The following POLH variants were observed in gnomAD, a reference collection of about 807,000 sequenced individuals.
POLH encodes the protein DNA polymerase eta transcript.
Under a neutral mutation model 73.6 loss-of-function variants are expected in POLH, and 53 were observed. The ratio of observed to expected loss-of-function variants is 0.72; its 90% confidence interval spans 0.58 to 0.91. The LOEUF (loss-of-function observed/expected upper bound fraction) is 0.91, where lower values mean the gene tolerates loss of function less well. Among genes scored for constraint, POLH ranks in the 40% least tolerant of loss-of-function variants. The pLI is 0.00. For synonymous variants in POLH, 292 were observed against 308.5 expected (o/e 0.95, Z 0.56); for missense variants, 768 against 865.4 (o/e 0.89, Z 1.41).
intron 9 of POLH, among the ~76,000 whole-genome samples, chr6:43,606,144 CAT>C (rs1767258846): frequency 6.6e-6 from 1 of 150,578 alleles, no homozygotes; most frequent in Admixed American, 6.6e-5. Context: ...TATCATTTCA[CAT>C]ACTTTTTTGT....
In POLH at chr6:43,617,781, C is replaced by T. The variant is rs189150988; in HGVS notation, c.*3224C>T. 2.9e-3 allele frequency among the ~76,000 whole-genome samples: 443 copies of T among 151,666 alleles called. No homozygotes were observed. Among genetic ancestry groups the T allele is most frequent in the African/African-American group, 0.01 (425 of 41,346 alleles). On this transcript the variant is annotated 3_prime_UTR_variant, in exon 11 of 11. Transcript: ENST00000372236. ...CGTCTCTACTGAAAATACAACTGGG[C>T]GTGGTGGTGCACGCCTGTAGTCCCA...
rs1768385058 is a variant in POLH at position 43,616,895 on chromosome 6, CATA to C, written c.*2341_*2343del. On this transcript the variant is annotated 3_prime_UTR_variant, in exon 11 of 11. Coordinates refer to ENST00000372236, the MANE Select transcript of POLH (RefSeq NM_006502.3). ...GGAACTCTGTTTAGATCTGATAAGT[CATA>C]ATCAAATCTTGCCAGGCGTGGTGGT... Among the ~76,000 whole-genome samples, 2 of 152,146 alleles carry C rather than the reference CATA, an allele frequency of 1.3e-5. No individual in the cohort carries two copies. The highest frequency in any genetic ancestry group is 6.5e-5 in the Admixed American group (1 of 15,276).
intron 1 of POLH, among the ~76,000 whole-genome samples, chr6:43,579,283 A>G (rs528630550): frequency 6.6e-6 from 1 of 152,242 alleles, no homozygotes; most frequent in Non-Finnish European, 1.5e-5. Flanking sequence ...CCCTGGAGAA[A>G]GGAATGCTAC....
intron 4 of POLH, chr6:43,591,228 G>A (rs976725601): frequency 6.6e-5 from 10 of 152,156 alleles, no homozygotes; most frequent in African/African-American, 2.4e-4. Flanking sequence ...TTATTATTCT[G>A]GGACCAGAGT....
chr6:43,610,425 G>A (rs966947323), intron 9 of POLH, 129 bp from the exon 10 acceptor site: 21 of 756,834 alleles, frequency 2.8e-5, no homozygotes, highest in Non-Finnish European at 4.1e-5. Flanking sequence ...CTTTATTCTT[G>A]ACTTTTAAAC....
chr6:43,609,375 G>C (rs1419920321), intron 9 of POLH, among the ~76,000 whole-genome samples: 2 of 152,098 alleles, frequency 1.3e-5, no homozygotes, highest in African/African-American at 4.8e-5. Context: ...ATTCCCTCAA[G>C]ATATATAAAT....
chr6:43,610,596 C>A lies in POLH; in HGVS notation c.1117C>A (p.Gln373Lys), dbSNP rs121908564. Residue 373 changes from glutamine (Q) to lysine (K), a missense_variant, in exon 10 of 11, where the codon CAA (glutamine) becomes AAA (lysine). Transcript: ENST00000372236. ...ATQLVVSIRV[Q>K]GDKRLSSLRR... The stretch of plus-strand genomic sequence containing the variant: ...CCAGCTGGTTGTGAGCATTCGTGTA[C>A]AAGGAGACAAACGCCTCAGCAGCCT... 6.2e-7 allele frequency: 1 copy of A among 1,614,018 alleles called. No homozygotes were observed. Among genetic ancestry groups the A allele is most frequent in the Non-Finnish European group, 8.5e-7 (1 of 1,179,940 alleles).
intron 8 of POLH, 119 bp from the exon 9 acceptor site, chr6:43,605,135 A>T: frequency 1.4e-6 from 1 of 714,810 alleles, no homozygotes; most frequent in South Asian, 1.5e-5. Context: ...TCCTTTGATT[A>T]TGGGGAGTCT....
intron 4 of POLH, among the ~76,000 whole-genome samples, chr6:43,597,362 G>A (rs1040430777): frequency 9.9e-5 from 15 of 152,118 alleles, no homozygotes; most frequent in African/African-American, 2.9e-4. Flanking sequence ...TGATCCACCC[G>A]CCTTGCTCTC....
chr6:43,598,982 A>ATTTTTTTT (rs938691033), intron 5 of POLH, among the ~76,000 whole-genome samples: 9 of 108,128 alleles, frequency 8.3e-5, no homozygotes, highest in Non-Finnish European at 1.5e-4. Flanking sequence ...CACTTGCTGA[A>ATTTTTTTT]TTTTTTTTTT....
chr6:43,596,529 G>A (rs1478513167), intron 4 of POLH, among the ~76,000 whole-genome samples: 1 of 152,090 alleles, frequency 6.6e-6, no homozygotes, highest in Non-Finnish European at 1.5e-5. Context: ...AGGGTGGTGG[G>A]TTGCAGTGGA....
In POLH at chr6:43,619,397, C is replaced by G. The variant is rs1358119183; in HGVS notation, c.*4840C>G. Among the ~76,000 whole-genome samples the G allele has an allele frequency of 7.8e-6, 1 of 128,320 alleles. No homozygotes were observed. Among genetic ancestry groups the G allele is most frequent in the East Asian group, 2.5e-4 (1 of 4,078 alleles). 84.2% of individuals were successfully genotyped at this position (128,320 alleles called of 152,430 possible). ...AAAAAAAAAAAAAAAAAAAAAAAGA[C>G]TACATTCACTGTATACGTGGCCTTT... is the stretch of plus-strand genomic sequence containing the variant. On this transcript the variant is annotated 3_prime_UTR_variant, in exon 11 of 11. Transcript: ENST00000372236.
rs1767794520 is a variant in POLH, at chr6:43,610,641, A to G, written c.1162A>G (p.Thr388Ala). Residue 388 changes from threonine (T) to alanine (A), a missense_variant, in exon 10 of 11, where the codon ACC becomes GCC. Physicochemically the swap from Thr to Ala is moderately conservative, Grantham distance 58. Coordinates refer to ENST00000372236, the MANE Select transcript of POLH (RefSeq NM_006502.3). ...LSSLRRCCAL[T>A]RYDAHKMSHD... ...CAGCCTGCGCCGCTGCTGTGCCCTT[A>G]CCCGCTATGATGCTCACAAGATGAG... 5 of 1,613,626 alleles carry G rather than the reference A, an allele frequency of 3.1e-6. No individual in the cohort carries two copies. The highest frequency in any genetic ancestry group is 4.2e-6 in the Non-Finnish European group (5 of 1,179,870).
At chr6:43,611,889 C>G (rs1582321078) in intron 10 of POLH, among the ~76,000 whole-genome samples, 1 of 151,998 alleles carries the variant, frequency 6.6e-6, no homozygotes, top group East Asian at 1.9e-4. Flanking sequence ...AACCCTGTCT[C>G]TACTAAAAAT....
Position 43,614,427 on chromosome 6 carries a change from C to A in POLH, c.2012C>A (p.Pro671His). The change falls in exon 11 of 11, where the codon CCC (proline) becomes CAC (histidine). Residue 671 changes from proline to histidine, a missense_variant. By Grantham distance (77) the Pro-to-His change is moderately conservative. Transcript: ENST00000372236. ...KSFLQPHSSN[P>H]QVVSAVSHQG... is the part of the protein sequence containing the mutation. ...TTTTTGCAGCCCCACTCTTCAAACC[C>A]CCAGGTTGTTTCTGCCGTATCTCAT... 6.2e-7 allele frequency: 1 copy of A among 1,614,200 alleles called. No individual in the cohort carries two copies. Among genetic ancestry groups the A allele is most frequent in the Non-Finnish European group, 8.5e-7 (1 of 1,180,038 alleles).
In POLH at chr6:43,616,690, T is replaced by C. The variant is rs776602986; in HGVS notation, c.*2133T>C. ...CTGTTTTCAGCTGAAGAATGTGAGA[T>C]GAAGCCTTGAAACCCTAAAAGTGAT... On this transcript the variant is annotated 3_prime_UTR_variant, in exon 11 of 11. Transcript: ENST00000372236. Among the ~76,000 whole-genome samples the C allele has an allele frequency of 1.3e-5, 2 of 152,158 alleles. No homozygotes were observed. The highest frequency in any genetic ancestry group is 2.9e-5 in the Non-Finnish European group (2 of 68,036).
In POLH at chr6:43,604,657, A is replaced by G; in HGVS notation, c.927A>G (p.Pro309=). The G allele has an allele frequency of 6.2e-7, 1 of 1,614,036 alleles. No individual in the cohort carries two copies. Among genetic ancestry groups the G allele is most frequent in the Non-Finnish European group, 8.5e-7 (1 of 1,179,860 alleles). ...YAMCRGIEHD[P]VKPRQLPKTI... ...TGTGCCGAGGGATTGAACATGATCC[A>G]GTTAAACCCAGGCAACTACCCAAAA... Residue 309 remains proline (P), a synonymous_variant, in exon 8 of 11, where the codon CCA becomes CCG. Coordinates refer to ENST00000372236, the MANE Select transcript of POLH (RefSeq NM_006502.3).
intron 3 of POLH, among the ~76,000 whole-genome samples, chr6:43,583,649 G>C (rs955091980): frequency 2.0e-5 from 3 of 152,170 alleles, no homozygotes; most frequent in Non-Finnish European, 2.9e-5. Context: ...AGCTAAGTCA[G>C]AGGTAGGCAC....
At position 43,613,533 on chromosome 6, in the gene POLH, C is replaced by G. The variant is rs569595784; in HGVS notation, c.1245-127C>G. 3 of 779,168 alleles carry G rather than the reference C, an allele frequency of 3.9e-6. No homozygotes were observed. In the South Asian group the frequency reaches 5.0e-5, roughly 13 times the overall value. The allele number at this position is 779,168 out of a possible 1,614,324, so 48.3% of individuals were successfully genotyped here. On this transcript the variant is annotated intron_variant, in intron 10 of 10. Transcript: ENST00000372236. Reference sequence around the variant, plus strand: ...TAATTTCTGTGGCAGAACCAGAATGCTAGTCATCTATGGATTAAATCTGTC... The same window carrying G: ...TAATTTCTGTGGCAGAACCAGAATGGTAGTCATCTATGGATTAAATCTGTC...
Sources: allele counts gnomAD v4.1 joint callset (sites outside exome capture counted in the v4.1 genomes callset), GRCh38; gene constraint gnomAD v4.1.1; transcripts MANE v1.5; gene names NCBI Gene and HGNC (gene_info 2026-07-23, HGNC 2026-07-21).